COL19A1: variants seen among roughly 807,000 people sequenced by gnomAD.
COL19A1 encodes the protein collagen type XIX alpha 1 chain.
In COL19A1, 159 loss-of-function variants were observed where a neutral mutation model predicts 190.2. The observed-to-expected ratio is 0.84, with a 90% CI of 0.73 to 0.95. COL19A1 has a LOEUF of 0.95. Among genes scored for constraint, COL19A1 ranks in the 40% least tolerant of loss-of-function variants. The probability of loss-of-function intolerance (pLI) is 0.00; values close to 1 mark genes in which losing one functional copy is unlikely to be tolerated. For synonymous variants in COL19A1, 509 were observed against 458.9 expected (o/e 1.11, Z -1.39); for missense variants, 1,418 against 1,431.9 (o/e 0.99, Z 0.16).
chr6:70,113,842 C>CTTTTTTT (rs34876942), intron 16 of COL19A1, among the ~76,000 whole-genome samples: 6 of 64,146 alleles, frequency 9.4e-5, no homozygotes, highest in Non-Finnish European at 1.6e-4. Context: ...CCAAGTCTTT[C>CTTTTTTT]TTTTTTTTTT....
At chr6:69,899,748 C>T (rs959677609) in intron 3 of COL19A1, among the ~76,000 whole-genome samples, 1 of 152,154 alleles carries the variant, frequency 6.6e-6, no homozygotes, top group Admixed American at 6.6e-5. Context: ...CTCTCTCCCA[C>T]ATAAATGCTA....
At chr6:69,885,790 G>A (rs1210155123) in intron 2 of COL19A1, among the ~76,000 whole-genome samples, 1 of 152,032 alleles carries the variant, frequency 6.6e-6, no homozygotes, top group East Asian at 1.9e-4. Context: ...TATCTATGCT[G>A]TGGAAAATGG....
chr6:69,898,352 A>T (rs972718726), intron 2 of COL19A1, among the ~76,000 whole-genome samples: 1 of 152,202 alleles, frequency 6.6e-6, no homozygotes, highest in African/African-American at 2.4e-5. Flanking sequence ...AGTATTAAAC[A>T]TGTACATTCA....
At chr6:69,891,733 G>A (rs1769365964) in intron 2 of COL19A1, among the ~76,000 whole-genome samples, 1 of 152,124 alleles carries the variant, frequency 6.6e-6, no homozygotes, top group African/African-American at 2.4e-5. Context: ...ACTGTCAGTA[G>A]CTTTGGAGTT....
chr6:70,102,798 C>A (rs1783717694), intron 16 of COL19A1, among the ~76,000 whole-genome samples: 1 of 152,114 alleles, frequency 6.6e-6, no homozygotes, highest in African/African-American at 2.4e-5. Flanking sequence ...TGTGTCCAAG[C>A]TGCTCCACTG....
chr6:70,150,065 C>T lies in COL19A1; in HGVS notation c.2037+20C>T. The stretch of plus-strand genomic sequence containing the variant: ...GACCCGGTATGTAGACAAACCTTGT[C>T]TGATTTATGTATCTTAAATGCACCC... On this transcript the variant is annotated intron_variant, in intron 30 of 50. Transcript: ENST00000620364. 1 of 1,613,080 alleles carries T rather than the reference C, an allele frequency of 6.2e-7. No homozygotes were observed. Among genetic ancestry groups the T allele is most frequent in the Non-Finnish European group, 8.5e-7 (1 of 1,179,616 alleles).
chr6:70,076,861 G>A (rs1446710642), intron 15 of COL19A1, among the ~76,000 whole-genome samples: 1 of 152,158 alleles, frequency 6.6e-6, no homozygotes, highest in Non-Finnish European at 1.5e-5. Flanking sequence ...ACCTGCATCA[G>A]GATCTTTATT....
chr6:70,188,348 C>A, intron 47 of COL19A1, 103 bp downstream of exon 47: 1 of 1,349,090 alleles, frequency 7.4e-7, no homozygotes, highest in Admixed American at 3.1e-5. Context: ...TAAAACAAAC[C>A]TAAACTGGTC....
rs1768147999 is a variant in COL19A1 at position 70,210,816 on chromosome 6, G to C, written c.*3542G>C. On this transcript the variant is annotated 3_prime_UTR_variant, in exon 51 of 51. Transcript: ENST00000620364. The stretch of plus-strand genomic sequence containing the variant: ...TTTTGTAGATAATTTTTGTTAATTT[G>C]TTTTGTTAATTTATGTTTTTCCTAA... Among the ~76,000 whole-genome samples, 1 of 151,912 alleles carries C rather than the reference G, an allele frequency of 6.6e-6. No individual in the cohort carries two copies. Among genetic ancestry groups the C allele is most frequent in the Non-Finnish European group, 1.5e-5 (1 of 67,918 alleles).
intron 16 of COL19A1, among the ~76,000 whole-genome samples, chr6:70,111,703 A>G (rs1395882184): frequency 6.6e-6 from 1 of 151,954 alleles, no homozygotes; most frequent in Non-Finnish European, 1.5e-5. Flanking sequence ...ATTATTAACT[A>G]TTTTTTAGAA....
At chr6:69,983,350 C>A (rs965407219) in intron 11 of COL19A1, among the ~76,000 whole-genome samples, 3 of 152,060 alleles carry the variant, frequency 2.0e-5, no homozygotes, top group African/African-American at 4.8e-5. Flanking sequence ...TGTTTATTGA[C>A]CTGTGTCTGG....
chr6:70,196,964 A>G (rs1767236976), intron 48 of COL19A1, among the ~76,000 whole-genome samples: 1 of 152,224 alleles, frequency 6.6e-6, no homozygotes. Context: ...AAAGCCAGAT[A>G]ATTTACAGCT....
chr6:69,921,782 G>A (rs970952509), intron 4 of COL19A1, among the ~76,000 whole-genome samples: 3 of 148,714 alleles, frequency 2.0e-5, no homozygotes, highest in Non-Finnish European at 3.0e-5. Context: ...ATGTATATTC[G>A]TATGTAGATT....
At chr6:69,921,755 C>T (rs889181319) in intron 4 of COL19A1, among the ~76,000 whole-genome samples, 5 of 131,928 alleles carry the variant, frequency 3.8e-5, no homozygotes, top group Admixed American at 7.6e-5. Context: ...TATGTATATT[C>T]GTATGTAGAT....
chr6:70,205,159 T>A (rs1001918932), intron 49 of COL19A1, among the ~76,000 whole-genome samples: 1 of 152,240 alleles, frequency 6.6e-6, no homozygotes, highest in Non-Finnish European at 1.5e-5. Flanking sequence ...GTATTTCTAC[T>A]ATATACTTCA....
chr6:70,059,814 T>C (rs367626576), intron 14 of COL19A1: 43 of 514,100 alleles, frequency 8.4e-5, no homozygotes, highest in Non-Finnish European at 1.5e-4. Context: ...AATCTGTATG[T>C]GTGCAAAATT....
chr6:70,094,877 C>A (rs1778919219), intron 15 of COL19A1, among the ~76,000 whole-genome samples: 3 of 152,046 alleles, frequency 2.0e-5, no homozygotes, highest in Admixed American at 1.3e-4. Context: ...AAAATCATTC[C>A]ATTGTGGGAA....
chr6:70,178,158 T>C (rs1398747337), intron 42 of COL19A1, among the ~76,000 whole-genome samples: 3 of 152,192 alleles, frequency 2.0e-5, no homozygotes, highest in African/African-American at 7.2e-5. Flanking sequence ...GAGGCCAAGA[T>C]GGGCAGAACA....
rs186734578 is a variant in COL19A1 at position 70,025,356 on chromosome 6, A to G, written c.1080+1676A>G. On this transcript the variant is annotated intron_variant, in intron 12 of 50. Coordinates refer to ENST00000620364, the MANE Select transcript of COL19A1 (RefSeq NM_001858.6). The stretch of plus-strand genomic sequence containing the variant: ...ACTTGGGATAGATTCTAAAGCCCCT[A>G]TCGCTATTATGTGCTATGATTTTAT... Among the ~76,000 whole-genome samples, 164 of 152,310 alleles carry G rather than the reference A, an allele frequency of 1.1e-3. 1 individual carries two copies. Among genetic ancestry groups the G allele is most frequent in the South Asian group, 5.2e-3 (25 of 4,826 alleles).
Sources: allele counts gnomAD v4.1 joint callset (sites outside exome capture counted in the v4.1 genomes callset), GRCh38; gene constraint gnomAD v4.1.1; transcripts MANE v1.5; gene names NCBI Gene and HGNC (gene_info 2026-07-23, HGNC 2026-07-21).